The following SYNE2 variants were observed in gnomAD, a reference collection of about 807,000 sequenced individuals.
SYNE2 encodes nesprin-2.
Under a neutral mutation model 856.3 loss-of-function variants are expected in SYNE2, and 431 were observed. The ratio of observed to expected loss-of-function variants is 0.50; its 90% CI spans 0.47 to 0.55. The LOEUF (loss-of-function observed/expected upper bound fraction) is 0.55, where lower values mean the gene tolerates loss of function less well. Ranked by LOEUF, SYNE2 falls within the 20% of genes least tolerant of loss-of-function variation. SYNE2 has a pLI of 0.00. For synonymous variants in SYNE2, 2,923 were observed against 2,872.3 expected, an observed-to-expected ratio of 1.02 and a Z score of -0.56; for missense variants, 8,129 against 8,023.2, an observed-to-expected ratio of 1.01 and a Z score of -0.50.
In SYNE2 at chr14:63,898,246, C is replaced by T. The variant is rs1324290601; in HGVS notation, c.-51-10852C>T. ...CACCCCAAACCTCCCTCTCAGAGCC[C>T]TCCCTTTTCCTGCCTCAATCTGCTG... is the stretch of plus-strand genomic sequence containing the variant. On this transcript the variant is annotated intron_variant, in intron 1 of 115. Transcript: ENST00000555002. 2.6e-5 allele frequency among the ~76,000 whole-genome samples: 4 copies of T among 152,170 alleles called. No homozygotes were observed. The East Asian group carries it at 7.7e-4, about 29-fold the overall frequency.
chr14:63,934,267 C>T (rs1294851626), intron 2 of SYNE2, among the ~76,000 whole-genome samples: 1 of 152,156 alleles, frequency 6.6e-6, no homozygotes, highest in South Asian at 2.1e-4. Flanking sequence ...GTTCTGGCTG[C>T]TCCTCTTAGT....
intron 9 of SYNE2, 51 bp from the exon 10 acceptor site, chr14:63,963,844 TAAAA>T (rs945618016): frequency 1.5e-6 from 2 of 1,341,778 alleles, no homozygotes; most frequent in Admixed American, 3.6e-5. Flanking sequence ...ATTTTTTTGT[TAAAA>T]AAACCAAGCC....
chr14:63,968,977 C>A (rs1197211997), intron 11 of SYNE2, among the ~76,000 whole-genome samples: 3 of 152,146 alleles, frequency 2.0e-5, no homozygotes, highest in Non-Finnish European at 4.4e-5. Flanking sequence ...ATCTCCATTT[C>A]CCCTTACTGC....
chr14:64,150,314 A>AGTATC (rs2098229670), intron 84 of SYNE2, among the ~76,000 whole-genome samples: 1 of 135,304 alleles, frequency 7.4e-6, no homozygotes, highest in African/African-American at 2.7e-5. Context: ...AAAAAAAAAA[A>AGTATC]AAAAAAAGGA....
chr14:63,901,493 T>G (rs2095336634), intron 1 of SYNE2, among the ~76,000 whole-genome samples: 1 of 152,198 alleles, frequency 6.6e-6, no homozygotes, highest in Non-Finnish European at 1.5e-5. Flanking sequence ...TCGGATACTC[T>G]CTATTAAAAT....
chr14:63,918,669 TC>T (rs138492912), intron 2 of SYNE2, among the ~76,000 whole-genome samples: 2,593 of 152,302 alleles, frequency 0.017, 60 homozygotes, highest in African/African-American at 0.059. Flanking sequence ...TTTGCTGCTG[TC>T]TTGTCGGGTG....
chr14:63,850,517 G>C (rs1205710105), upstream of SYNE2, among the ~76,000 whole-genome samples: 1 of 152,028 alleles, frequency 6.6e-6, no homozygotes, highest in African/African-American at 2.4e-5. Flanking sequence ...CCATTTATAG[G>C]CCCAGGGTTG....
At position 63,954,743 on chromosome 14, in the gene SYNE2, T is replaced by C. The variant is rs2096219341; in HGVS notation, c.615T>C (p.Asp205=). Residue 205 remains aspartate, a synonymous_variant, in exon 8 of 116, where the codon GAT becomes GAC. Coordinates refer to ENST00000555002, the MANE Select transcript of SYNE2 (RefSeq NM_182914.3). The part of the protein sequence containing the change: ...CATYESVNVT[D]FKSSWRNGMA... Reference sequence around the variant, plus strand: ...GCTATGAGTCTGTCAATGTGACCGATTTTAAGTCAAGTTGGAGAAATGGGA... The same window carrying C: ...GCTATGAGTCTGTCAATGTGACCGACTTTAAGTCAAGTTGGAGAAATGGGA... 6.2e-7 allele frequency: 1 copy of C among 1,613,994 alleles called. No homozygotes were observed. The highest frequency in any genetic ancestry group is 1.3e-5 in the African/African-American group (1 of 74,932).
chr14:64,219,460 C>T lies in SYNE2; in HGVS notation c.19860+50C>T, dbSNP rs183922729. The T allele has an allele frequency of 2.0e-4, 310 of 1,575,636 alleles. 2 individuals carry two copies. The East Asian group carries it at 3.6e-3, about 18-fold the overall frequency. On this transcript the variant is annotated intron_variant, in intron 110 of 115. Transcript: ENST00000555002. ...GAGGGATTCAGAATGTGCATGTGAA[C>T]GCATTGCTATGCTGGACGAGCAGAT...
At chr14:64,107,981 C>T (rs1223928082) in intron 65 of SYNE2, among the ~76,000 whole-genome samples, 2 of 152,022 alleles carry the variant, frequency 1.3e-5, no homozygotes, top group Non-Finnish European at 2.9e-5. Flanking sequence ...TCTGTTTAAC[C>T]CTCAGACTGT....
At chr14:64,023,562 T>C (rs2096954013) in intron 38 of SYNE2, 1 of 152,738 alleles carries the variant, frequency 6.5e-6, no homozygotes, top group South Asian at 2.1e-4. Context: ...ATATTTCTTT[T>C]AAAAATTGCC....
chr14:64,069,717 A>G (rs916436406), intron 51 of SYNE2, among the ~76,000 whole-genome samples: 5 of 152,176 alleles, frequency 3.3e-5, no homozygotes, highest in Non-Finnish European at 5.9e-5. Flanking sequence ...AAGTCCTGGC[A>G]TGCCCCAGGC....
chr14:64,050,331 AT>A (rs1446913910), intron 47 of SYNE2, among the ~76,000 whole-genome samples: 1 of 152,192 alleles, frequency 6.6e-6, no homozygotes, highest in Admixed American at 6.5e-5. Context: ...TACATTGGTG[AT>A]TAGGTTTCAA....
At chr14:63,944,241 G>C (rs1299565256) in intron 6 of SYNE2, among the ~76,000 whole-genome samples, 1 of 148,776 alleles carries the variant, frequency 6.7e-6, no homozygotes, top group African/African-American at 2.5e-5. Context: ...TATCCATACT[G>C]TTTTCAGCAT....
At chr14:64,031,446 C>A in intron 45 of SYNE2, 89 bp downstream of exon 45, 1 of 1,133,182 alleles carries the variant, frequency 8.8e-7, no homozygotes, top group Admixed American at 1.9e-5. Flanking sequence ...ATCAAGCATT[C>A]TGATTTCATA....
intron 24 of SYNE2, 30 bp downstream of exon 24, chr14:63,997,188 C>G: frequency 6.2e-7 from 1 of 1,603,654 alleles, no homozygotes. Flanking sequence ...AGCTACCCTT[C>G]AGGATAAAAC....
At chr14:64,178,229 T>C in intron 96 of SYNE2, among the ~76,000 whole-genome samples, 1 of 152,218 alleles carries the variant, frequency 6.6e-6, no homozygotes, top group East Asian at 1.9e-4. Flanking sequence ...CCTACATCTT[T>C]TTTCTTTGTT....
Position 64,149,202 on chromosome 14 carries a change from G to A in SYNE2, c.15639+2979G>A, listed in dbSNP as rs113999808. ...CACCTGTAATCCTAGCTACTCGGGA[G>A]CTGAGGCAGGAGGATCACTTGAGCC... On this transcript the variant is annotated intron_variant, in intron 84 of 115. Coordinates refer to ENST00000555002, the MANE Select transcript of SYNE2 (RefSeq NM_182914.3). Among the ~76,000 whole-genome samples the A allele has an allele frequency of 4.7e-3, 719 of 151,866 alleles. 4 individuals are homozygous for A. Among genetic ancestry groups the A allele is most frequent in the African/African-American group, 0.016 (666 of 41,416 alleles).
At chr14:63,818,759 C>T (rs1889104615) in intron 1 of SYNE2, among the ~76,000 whole-genome samples, 1 of 144,028 alleles carries the variant, frequency 6.9e-6, no homozygotes, top group South Asian at 2.2e-4. Flanking sequence ...AGTGCAGTGG[C>T]TCGATCTCGG....
Sources: gnomAD v4.1 joint callset for allele counts (sites outside exome capture counted in the v4.1 genomes callset) on GRCh38, gnomAD v4.1.1 for gene constraint, MANE v1.5 for transcripts, NCBI Gene and HGNC (gene_info 2026-07-23, HGNC 2026-07-21) for gene names.